The following MITF variants were observed in gnomAD, a reference collection of about 807,000 sequenced individuals.
MITF encodes melanocyte inducing transcription factor.
Under a neutral mutation model 60.5 loss-of-function variants are expected in MITF, and 17 were observed. That is an observed-to-expected ratio of 0.28 (90% CI 0.19 to 0.42). MITF has a LOEUF of 0.42. MITF is among the 10% of genes least tolerant of loss of function. The probability of loss-of-function intolerance (pLI) is 1.00; values close to 1 mark genes in which losing one functional copy is unlikely to be tolerated. For missense variants in MITF, 622 were observed against 683.5 expected (o/e 0.91, Z 1.00); for synonymous variants, 260 against 248.5 (o/e 1.05, Z -0.43).
intron 2 of MITF, among the ~76,000 whole-genome samples, chr3:69,915,934 A>G (rs745659740): frequency 2.6e-5 from 4 of 152,188 alleles, no homozygotes; most frequent in Admixed American, 6.5e-5. Flanking sequence ...GCTGCAAGGG[A>G]GGCTGGCAAA....
intron 1 of MITF, among the ~76,000 whole-genome samples, chr3:69,776,677 C>T (rs971539221): frequency 1.3e-5 from 2 of 152,082 alleles, no homozygotes; most frequent in African/African-American, 4.8e-5. Flanking sequence ...GTATGTTGAG[C>T]TTCAATTTTC....
In MITF at chr3:69,739,547, C is replaced by G. The variant is rs955748082; in HGVS notation, c.-51C>G. 20 of 1,501,330 alleles carry G rather than the reference C, an allele frequency of 1.3e-5. No homozygotes were observed. Among genetic ancestry groups the G allele is most frequent in the Non-Finnish European group, 1.8e-5 (20 of 1,101,272 alleles). 93.0% of individuals were successfully genotyped at this position (1,501,330 alleles called of 1,614,324 possible). On this transcript the variant is annotated 5_prime_UTR_variant, in exon 1 of 10. Coordinates refer to ENST00000352241, the MANE Select transcript of MITF (RefSeq NM_001354604.2). ...CAGGCCCAGCTACCTTCCCTCCGCC[C>G]CCGGGCTCTGTTCTCACTTTCCAGC...
At chr3:69,797,498 C>T (rs2062850673) in intron 1 of MITF, among the ~76,000 whole-genome samples, 1 of 151,942 alleles carries the variant, frequency 6.6e-6, no homozygotes, top group South Asian at 2.1e-4. Flanking sequence ...ATAAATAATA[C>T]AATATTATTT....
At chr3:69,885,657 A>G (rs1393864266) in intron 2 of MITF, among the ~76,000 whole-genome samples, 1 of 152,100 alleles carries the variant, frequency 6.6e-6, no homozygotes, top group East Asian at 1.9e-4. Flanking sequence ...TGTGTCTTTT[A>G]AAATTTTATG....
chr3:69,870,693 T>A (rs2064219032), intron 1 of MITF, among the ~76,000 whole-genome samples: 1 of 151,996 alleles, frequency 6.6e-6, no homozygotes, highest in South Asian at 2.1e-4. Flanking sequence ...TGGATATATA[T>A]ATTTTTAAAT....
At chr3:69,865,541 A>C (rs560055868) in intron 1 of MITF, among the ~76,000 whole-genome samples, 1 of 152,152 alleles carries the variant, frequency 6.6e-6, no homozygotes, top group Non-Finnish European at 1.5e-5. Flanking sequence ...ATGTGTTCAG[A>C]ATTAGATTGG....
intron 2 of MITF, among the ~76,000 whole-genome samples, chr3:69,886,463 G>A (rs1452669632): frequency 2.0e-5 from 3 of 151,998 alleles, no homozygotes; most frequent in African/African-American, 7.3e-5. Flanking sequence ...ACTGATCCCT[G>A]GTTACATAGA....
At chr3:69,953,660 T>TAGAG (rs1315718862) in intron 7 of MITF, among the ~76,000 whole-genome samples, 34 of 135,754 alleles carry the variant, frequency 2.5e-4, no homozygotes, top group African/African-American at 5.0e-4. Flanking sequence ...TATATATATA[T>TAGAG]ATAGAGAGAG....
intron 1 of MITF, among the ~76,000 whole-genome samples, chr3:69,816,302 T>C (rs1213915428): frequency 1.3e-5 from 2 of 152,194 alleles, no homozygotes; most frequent in Non-Finnish European, 2.9e-5. Flanking sequence ...TTTCTTTCCA[T>C]GTCATTGAGA....
intron 2 of MITF, among the ~76,000 whole-genome samples, chr3:69,930,588 C>T (rs2065697531): frequency 6.6e-6 from 1 of 152,166 alleles, no homozygotes; most frequent in Non-Finnish European, 1.5e-5. Flanking sequence ...TGCACAGTTG[C>T]CTGGCATCTA....
Position 69,967,945 on chromosome 3 carries a change from T to C in MITF, c.*2697T>C, listed in dbSNP as rs1244166350. 8.6e-6 allele frequency: 2 copies of C among 233,454 alleles called. No individual in the cohort carries two copies. Among genetic ancestry groups the C allele is most frequent in the Non-Finnish European group, 1.7e-5 (2 of 117,962 alleles). The allele number at this position is 233,454 out of a possible 1,614,324, so 14.5% of individuals were successfully genotyped here. A position where few individuals can be genotyped will look rare whatever the true frequency, so the allele number is the denominator to read the frequency against. Reference sequence around the variant, plus strand: ...ATGGAAATACCAAACCTTCTGACTTTGCCAAAAAGCATACAAGCAACCTGG... The same window carrying C: ...ATGGAAATACCAAACCTTCTGACTTCGCCAAAAAGCATACAAGCAACCTGG... On this transcript the variant is annotated 3_prime_UTR_variant, in exon 10 of 10. Transcript: ENST00000352241.
chr3:69,774,902 T>A (rs2062449627), intron 1 of MITF, among the ~76,000 whole-genome samples: 1 of 152,166 alleles, frequency 6.6e-6, no homozygotes. Flanking sequence ...GGTTCAGAAG[T>A]TGACGCTGGA....
At chr3:69,832,172 G>C (rs1323405553) in intron 1 of MITF, among the ~76,000 whole-genome samples, 1 of 152,218 alleles carries the variant, frequency 6.6e-6, no homozygotes, top group African/African-American at 2.4e-5. Context: ...GGGCTGGGCA[G>C]TTCTGTCTCA....
chr3:69,791,389 A>G (rs1042678569), intron 1 of MITF, among the ~76,000 whole-genome samples: 3 of 152,210 alleles, frequency 2.0e-5, no homozygotes, highest in Non-Finnish European at 4.4e-5. Flanking sequence ...GTGTCATAAC[A>G]GAGAAAAGAC....
At chr3:69,780,539 G>A (rs979548474) in intron 1 of MITF, among the ~76,000 whole-genome samples, 1 of 152,152 alleles carries the variant, frequency 6.6e-6, no homozygotes, top group African/African-American at 2.4e-5. Context: ...AATTGACTGG[G>A]GAGCAGTTTT....
rs113955075 is a variant in MITF, at chr3:69,889,330, G to T, written c.354+9947G>T. Among the ~76,000 whole-genome samples the T allele has an allele frequency of 8.5e-3, 1,285 of 151,298 alleles. 13 individuals are homozygous for T. Among genetic ancestry groups the T allele is most frequent in the African/African-American group, 0.028 (1,157 of 41,304 alleles). ...TTGGGCACATTTCCTGTTCTCTCTG[G>T]GTCTCAGTGTCCTCATCTATAAAAT... On this transcript the variant is annotated intron_variant, in intron 2 of 9. Transcript: ENST00000352241.
chr3:69,894,172 G>A (rs2064821505), intron 2 of MITF, among the ~76,000 whole-genome samples: 1 of 152,152 alleles, frequency 6.6e-6, no homozygotes, highest in Non-Finnish European at 1.5e-5. Context: ...GAAACTTGAA[G>A]GTTCAAAATA....
intron 2 of MITF, among the ~76,000 whole-genome samples, chr3:69,902,891 G>A (rs1272476665): frequency 6.6e-6 from 1 of 151,494 alleles, no homozygotes; most frequent in African/African-American, 2.4e-5. Context: ...AACCCAAATA[G>A]GTTTGGTTTT....
chr3:69,857,155 T>C (rs2063932654), intron 1 of MITF, among the ~76,000 whole-genome samples: 1 of 151,918 alleles, frequency 6.6e-6, no homozygotes. Context: ...TAGTGTGGGG[T>C]ACAGACAAGT....
Sources: allele counts gnomAD v4.1 joint callset (sites outside exome capture counted in the v4.1 genomes callset), GRCh38; gene constraint gnomAD v4.1.1; transcripts MANE v1.5; gene names NCBI Gene and HGNC (gene_info 2026-07-23, HGNC 2026-07-21).